IQSEC3: variants seen among roughly 807,000 people sequenced by gnomAD.
The protein encoded by IQSEC3 is IQ motif and SEC7 domain-containing protein 3.
IQSEC3 carries 50 observed loss-of-function variants against 105.4 expected under a neutral mutation model. That is an observed-to-expected ratio of 0.47 (90% CI 0.38 to 0.60). The LOEUF is 0.60. Ranked by LOEUF, IQSEC3 falls within the 20% of genes least tolerant of loss-of-function variation. IQSEC3 has a pLI of 0.00. For missense variants in IQSEC3, 1,415 were observed against 1,630.0 expected (o/e 0.87, Z 2.27); for synonymous variants, 708 against 746.0 (o/e 0.95, Z 0.83).
At chr12:83,080 T>C (rs1221773233) in intron 1 of IQSEC3, among the ~76,000 whole-genome samples, 5 of 152,020 alleles carry the variant, frequency 3.3e-5, no homozygotes, top group African/African-American at 1.2e-4. Context: ...TTCACACCGG[T>C]GCTGTGGGTA....
chr12:141,345 C>G (rs1437452959), intron 5 of IQSEC3, 60 bp downstream of exon 5: 1 of 1,549,744 alleles, frequency 6.5e-7, no homozygotes, highest in Non-Finnish European at 8.8e-7. Context: ...TGCCCGGGCT[C>G]TCTCTGTGAG....
chr12:138,526 C>T lies in IQSEC3; in HGVS notation c.1163C>T (p.Pro388Leu), dbSNP rs1555087328. Reference sequence around the variant, plus strand: ...CCGCTGGTGCGCTCGCCCTCCCTGCCGCCCACCTTCGCAGGCACCCTCACC... The same window carrying T: ...CCGCTGGTGCGCTCGCCCTCCCTGCTGCCCACCTTCGCAGGCACCCTCACC... ...GLPLVRSPSLPPTFAGTLTEL... is the reference protein window; with the variant it reads ...GLPLVRSPSLLPTFAGTLTEL... The change falls in exon 4 of 14, where the codon CCG becomes CTG. Residue 388 changes from proline (P) to leucine (L), a missense_variant. Physicochemically the swap from Pro to Leu is moderately conservative, Grantham distance 98 (BLOSUM62 -3). This residue lies in a region of IQSEC3 where 720 missense variants were observed against 633.0 expected (regional missense o/e 1.14). Coordinates refer to ENST00000538872, the MANE Select transcript of IQSEC3 (RefSeq NM_001170738.2). The surrounding 1 kb of genome is among the most constrained non-coding windows in gnomAD (Gnocchi z 7.1). 6.3e-7 allele frequency: 1 copy of T among 1,576,746 alleles called. No individual in the cohort carries two copies. Among genetic ancestry groups the T allele is most frequent in the African/African-American group, 1.3e-5 (1 of 74,272 alleles).
chr12:171,468 C>T (rs1444774703), intron 13 of IQSEC3: 2 of 679,868 alleles, frequency 2.9e-6, no homozygotes, highest in East Asian at 5.4e-5. Flanking sequence ...TTCCTGTGTG[C>T]CCCCAAATCC....
At chr12:154,913 C>T (rs1449382858) in intron 5 of IQSEC3, among the ~76,000 whole-genome samples, 1 of 151,690 alleles carries the variant, frequency 6.6e-6, no homozygotes, top group Non-Finnish European at 1.5e-5. Flanking sequence ...CCTTGTCCTT[C>T]GCTGCCCCGC....
At chr12:107,593 G>T (rs1555078324) in intron 2 of IQSEC3, among the ~76,000 whole-genome samples, 3 of 151,574 alleles carry the variant, frequency 2.0e-5, no homozygotes, top group African/African-American at 7.3e-5. Flanking sequence ...TGTATTTTTA[G>T]TAGAGACGGG....
intron 2 of IQSEC3, among the ~76,000 whole-genome samples, chr12:118,743 G>A (rs535901590): frequency 6.6e-6 from 1 of 152,332 alleles, no homozygotes; most frequent in South Asian, 2.1e-4. Context: ...CAGCCCCTCT[G>A]GTAGGAGAGT....
In IQSEC3 at chr12:138,982, C is replaced by G. The variant is rs530779417; in HGVS notation, c.1619C>G (p.Ala540Gly). ...GETSGREAPE[A>G]PAVGREDASA... Reference sequence around the variant, plus strand: ...ACCTCTGGGCGGGAGGCCCCGGAAGCCCCCGCCGTGGGCCGGGAGGACGCG... The same window carrying G: ...ACCTCTGGGCGGGAGGCCCCGGAAGGCCCCGCCGTGGGCCGGGAGGACGCG... The change falls in exon 4 of 14, where the codon GCC becomes GGC. Residue 540 changes from alanine to glycine, a missense_variant. Ala to Gly is a moderately conservative substitution (Grantham distance 60). Transcript: ENST00000538872. This position sits in a 1 kb window ranked among gnomAD's most constrained non-coding sequence, Gnocchi z 7.1. 3 of 1,538,844 alleles carry G rather than the reference C, an allele frequency of 1.9e-6. No homozygotes were observed. Among genetic ancestry groups the G allele is most frequent in the Admixed American group, 2.0e-5 (1 of 48,946 alleles).
At chr12:95,980 G>A (rs956179447) in intron 1 of IQSEC3, among the ~76,000 whole-genome samples, 1 of 152,166 alleles carries the variant, frequency 6.6e-6, no homozygotes, top group Non-Finnish European at 1.5e-5. Flanking sequence ...TATTTGAAGA[G>A]ATTTATTCTG....
At position 175,178 on chromosome 12, in the gene IQSEC3, C is replaced by T. The variant is rs369119449; in HGVS notation, c.*145C>T. 1.5e-5 allele frequency: 10 copies of T among 664,930 alleles called. No individual in the cohort carries two copies. In the East Asian group the frequency reaches 2.5e-4, roughly 17 times the overall value. The allele number at this position is 664,930 out of a possible 1,614,324, so 41.2% of individuals were successfully genotyped here. On this transcript the variant is annotated 3_prime_UTR_variant, in exon 14 of 14. Transcript: ENST00000538872. ...GGGAAGAGAATCCCAATCCCTGGCA[C>T]CTGGGTTTGCCTCATCCAACCATCC...
rs565814332 is a variant in IQSEC3 at position 93,436 on chromosome 12, C to T, written c.555-5710C>T. ...CCTTCCTGTCCCCTGCTCACCTTGC[C>T]AGCCCCTGGTGTCCAGTGTCCATCT... On this transcript the variant is annotated intron_variant, in intron 1 of 13. Transcript: ENST00000538872. Among the ~76,000 whole-genome samples the T allele has an allele frequency of 2.6e-5, 4 of 152,280 alleles. No individual in the cohort carries two copies. In the East Asian group the frequency reaches 7.7e-4, roughly 29 times the overall value.
At chr12:76,209 G>GT (rs1461936306) in intron 1 of IQSEC3, among the ~76,000 whole-genome samples, 6 of 152,222 alleles carry the variant, frequency 3.9e-5, no homozygotes, top group African/African-American at 1.4e-4. Flanking sequence ...CATTGTGGCC[G>GT]TATCTCTGGG....
intron 5 of IQSEC3, chr12:143,514 C>T (rs1297353972): frequency 6.5e-6 from 1 of 154,982 alleles, no homozygotes; most frequent in African/African-American, 2.4e-5. Flanking sequence ...CTGCCCTAAA[C>T]ACTGGGGCAT....
At position 159,277 on chromosome 12, in the gene IQSEC3, G is replaced by A. The variant is rs1866806300; in HGVS notation, c.2443+1583G>A. On this transcript the variant is annotated intron_variant, in intron 7 of 13. Transcript: ENST00000538872. ...ATGTCCAGACCTGGGAGGTGGTGCG[G>A]GAGAGTCATCTTCCGGGAGCCTCTG... is the stretch of plus-strand genomic sequence containing the variant. Among the ~76,000 whole-genome samples the A allele has an allele frequency of 2.6e-5, 4 of 152,344 alleles. No individual in the cohort carries two copies. In the South Asian group the frequency reaches 8.3e-4, roughly 32 times the overall value.
rs113015745 is a variant in IQSEC3 at position 159,058 on chromosome 12, T to A, written c.2443+1364T>A. Among the ~76,000 whole-genome samples the A allele has an allele frequency of 4.7e-4, 71 of 152,332 alleles. 1 individual carries two copies. Among genetic ancestry groups the A allele is most frequent in the African/African-American group, 1.6e-3 (68 of 41,574 alleles). On this transcript the variant is annotated intron_variant, in intron 7 of 13. Transcript: ENST00000538872. Reference sequence around the variant, plus strand: ...ATCCACCTTCCCTGACCCATCCCACTCACGTCAGTGCTCATGTTATTAGGG... The same window carrying A: ...ATCCACCTTCCCTGACCCATCCCACACACGTCAGTGCTCATGTTATTAGGG...
At chr12:89,662 T>C (rs570620963) in intron 1 of IQSEC3, among the ~76,000 whole-genome samples, 4 of 152,302 alleles carry the variant, frequency 2.6e-5, no homozygotes, top group Non-Finnish European at 5.9e-5. Flanking sequence ...AGTTGTGTCT[T>C]TTCTAGAATA....
intron 1 of IQSEC3, among the ~76,000 whole-genome samples, chr12:72,438 G>C (rs552920282): frequency 6.4e-4 from 92 of 143,782 alleles, no homozygotes; most frequent in African/African-American, 2.2e-3. Flanking sequence ...AAGCTGCCTT[G>C]TTGGGAAGCC....
At chr12:106,841 T>G (rs1419614251) in intron 2 of IQSEC3, 7 of 152,364 alleles carry the variant, frequency 4.6e-5, no homozygotes, top group African/African-American at 1.7e-4. Flanking sequence ...TCACTTATCT[T>G]CTGACCAATA....
intron 3 of IQSEC3, among the ~76,000 whole-genome samples, chr12:129,844 C>T (rs868918805): frequency 1.3e-5 from 2 of 152,180 alleles, no homozygotes; most frequent in Non-Finnish European, 2.9e-5. Flanking sequence ...CCCCATACCC[C>T]AAGCCTCAGG....
chr12:139,076 A>C lies in IQSEC3; in HGVS notation c.1713A>C (p.Thr571=). ...GAADGATAPK[T]EEEEEEEETA... is the part of the protein sequence containing the mutation. ...CGGATGGGGCCACAGCCCCCAAAACAGAGGAGGAAGAGGAGGAGGAGGAGA... is the reference window on the plus strand; with the variant it reads ...CGGATGGGGCCACAGCCCCCAAAACCGAGGAGGAAGAGGAGGAGGAGGAGA... The change falls in exon 4 of 14, where the codon ACA becomes ACC. Residue 571 remains threonine (T), a synonymous_variant. Coordinates refer to ENST00000538872, the MANE Select transcript of IQSEC3 (RefSeq NM_001170738.2). The C allele has an allele frequency of 6.7e-7, 1 of 1,488,210 alleles. No homozygotes were observed. Among genetic ancestry groups the C allele is most frequent in the Non-Finnish European group, 8.9e-7 (1 of 1,118,434 alleles). 92.2% of individuals were successfully genotyped at this position (1,488,210 alleles called of 1,614,324 possible). A position where few individuals can be genotyped will look rare whatever the true frequency, so the allele number is the denominator to read the frequency against.
Sources: allele counts gnomAD v4.1 joint callset (sites outside exome capture counted in the v4.1 genomes callset), GRCh38; gene constraint gnomAD v4.1.1; regional missense constraint gnomAD v4.1.1; non-coding constraint Gnocchi (gnomAD v3.1); transcripts MANE v1.5; gene names NCBI Gene and HGNC (gene_info 2026-07-23, HGNC 2026-07-21).